CDH11: variants seen among roughly 807,000 people sequenced by gnomAD.
CDH11 encodes the protein cadherin-11.
In CDH11, 11 loss-of-function variants were observed where a neutral mutation model predicts 67.8. The ratio of observed to expected loss-of-function variants is 0.16; its 90% confidence interval spans 0.10 to 0.27. The LOEUF (loss-of-function observed/expected upper bound fraction) is 0.27, where lower values mean the gene tolerates loss of function less well. Among genes scored for constraint, CDH11 ranks in the 10% least tolerant of loss-of-function variants. The pLI is 1.00. For synonymous variants in CDH11, 419 were observed against 400.0 expected (o/e 1.05, Z -0.57); for missense variants, 847 against 1,031.2 (o/e 0.82, Z 2.45).
intron 1 of CDH11, among the ~76,000 whole-genome samples, chr16:65,072,495 GCATCTT>G (rs1277380712): frequency 6.6e-6 from 1 of 152,114 alleles, no homozygotes; most frequent in Non-Finnish European, 1.5e-5. Flanking sequence ...TGAACTAACA[GCATCTT>G]CTTGTCCAAT....
Position 65,122,044 on chromosome 16 carries a change from G to C in CDH11, c.-462C>G, listed in dbSNP as rs2075342512. On this transcript the variant is annotated 5_prime_UTR_variant, in exon 1 of 13. Coordinates refer to ENST00000268603, the MANE Select transcript of CDH11 (RefSeq NM_001797.4). ...TCCTCGGCCCGCGACGCTCCCCTCA[G>C]CTGGCGGCGGCCGCGGAATGAGCCG... 1.5e-6 allele frequency: 1 copy of C among 670,544 alleles called. No individual in the cohort carries two copies. The highest frequency in any genetic ancestry group is 2.7e-6 in the Non-Finnish European group (1 of 373,954). The allele number at this position is 670,544 out of a possible 1,614,324, so 41.5% of individuals were successfully genotyped here. A position where few individuals can be genotyped will look rare whatever the true frequency, so the allele number is the denominator to read the frequency against.
In CDH11 at chr16:64,982,285, G is replaced by A. The variant is rs879192410; in HGVS notation, c.1016C>T (p.Thr339Ile). Reference protein sequence around the residue: ...IKLKKPVDFETKRAYSLKVEA... With the variant: ...IKLKKPVDFEIKRAYSLKVEA... ...TACCTTCAAGCTATAGGCTCTTTTG[G>A]TTTCAAAATCTACAGGCTGGCAAGA... The change falls in exon 8 of 13, where the codon ACC becomes ATC. Residue 339 changes from threonine (T) to isoleucine (I), a missense_variant. Coordinates refer to ENST00000268603, the MANE Select transcript of CDH11 (RefSeq NM_001797.4). 3 of 1,612,046 alleles carry A rather than the reference G, an allele frequency of 1.9e-6. No individual in the cohort carries two copies. Among genetic ancestry groups the A allele is most frequent in the Non-Finnish European group, 2.5e-6 (3 of 1,178,770 alleles).
At chr16:65,094,442 T>TAC (rs749399832) in intron 1 of CDH11, among the ~76,000 whole-genome samples, 203 of 148,390 alleles carry the variant, frequency 1.4e-3, no homozygotes, top group Middle Eastern at 3.4e-3. Flanking sequence ...CACACACACA[T>TAC]ACACACACAC....
Position 64,991,294 on chromosome 16 carries a change from C to T in CDH11, c.811+474G>A, listed in dbSNP as rs79320591. On this transcript the variant is annotated intron_variant, in intron 6 of 12. Coordinates refer to ENST00000268603, the MANE Select transcript of CDH11 (RefSeq NM_001797.4). ...TGTTGCTATGGAGAACAGAGGCATG[C>T]TGTCTCCTCCAAGCCTTGCCCAAAT... 2.3e-3 allele frequency: 364 copies of T among 155,712 alleles called. 1 individual carries two copies. Among genetic ancestry groups the T allele is most frequent in the African/African-American group, 8.4e-3 (348 of 41,640 alleles). 9.6% of individuals were successfully genotyped at this position (155,712 alleles called of 1,614,324 possible). A position where few individuals can be genotyped will look rare whatever the true frequency, so the allele number is the denominator to read the frequency against.
chr16:65,047,207 G>A (rs1567547460), intron 2 of CDH11, among the ~76,000 whole-genome samples: 2 of 152,200 alleles, frequency 1.3e-5, no homozygotes, highest in East Asian at 3.9e-4. Context: ...GTGTGTGTTT[G>A]CAACTGCCCA....
chr16:64,946,696 A>C lies in CDH11; in HGVS notation c.*907T>G, dbSNP rs2071204157. ...ACAACAGATCATAAATAGGGTTATTAAAAGATCACAATTAAATTAGAAATA... is the reference window on the plus strand; with the variant it reads ...ACAACAGATCATAAATAGGGTTATTCAAAGATCACAATTAAATTAGAAATA... On this transcript the variant is annotated 3_prime_UTR_variant, in exon 13 of 13. Coordinates refer to ENST00000268603, the MANE Select transcript of CDH11 (RefSeq NM_001797.4). 1 of 937,186 alleles carries C rather than the reference A, an allele frequency of 1.1e-6. No individual in the cohort carries two copies. 58.1% of individuals were successfully genotyped at this position (937,186 alleles called of 1,614,324 possible). A position where few individuals can be genotyped will look rare whatever the true frequency, so the allele number is the denominator to read the frequency against.
intron 2 of CDH11, among the ~76,000 whole-genome samples, chr16:65,021,050 C>T (rs1477820377): frequency 6.6e-6 from 1 of 152,078 alleles, no homozygotes; most frequent in Non-Finnish European, 1.5e-5. Flanking sequence ...AGTCTTACCC[C>T]TCATTGGGAG....
At chr16:65,112,265 G>A (rs1042632524) in intron 1 of CDH11, among the ~76,000 whole-genome samples, 1 of 152,046 alleles carries the variant, frequency 6.6e-6, no homozygotes, top group African/African-American at 2.4e-5. Flanking sequence ...CATATCACTA[G>A]CAATGCTACA....
rs1596997318 is a variant in CDH11 at position 64,946,681 on chromosome 16, A to T, written c.*922T>A. The stretch of plus-strand genomic sequence containing the variant: ...AGCAGCAGACAGACAACAACAGATC[A>T]TAAATAGGGTTATTAAAAGATCACA... On this transcript the variant is annotated 3_prime_UTR_variant, in exon 13 of 13. Transcript: ENST00000268603. 2.2e-5 allele frequency: 21 copies of T among 952,360 alleles called. No individual in the cohort carries two copies. Among genetic ancestry groups the T allele is most frequent in the Non-Finnish European group, 2.5e-5 (20 of 786,644 alleles). The allele number at this position is 952,360 out of a possible 1,614,324, so 59.0% of individuals were successfully genotyped here. A position where few individuals can be genotyped will look rare whatever the true frequency, so the allele number is the denominator to read the frequency against.
At chr16:65,015,336 G>A (rs964443523) in intron 2 of CDH11, among the ~76,000 whole-genome samples, 2 of 151,588 alleles carry the variant, frequency 1.3e-5, no homozygotes, top group Non-Finnish European at 2.9e-5. Flanking sequence ...TCTCAGAGTT[G>A]AATGACACTC....
At chr16:65,013,432 G>A (rs1520243) in intron 2 of CDH11, among the ~76,000 whole-genome samples, 39 of 151,874 alleles carry the variant, frequency 2.6e-4, no homozygotes, top group African/African-American at 9.4e-4. Flanking sequence ...ATGGGCTCAG[G>A]AATCAGAAGG....
At chr16:64,959,788 G>T (rs984780843) in intron 11 of CDH11, among the ~76,000 whole-genome samples, 1 of 152,102 alleles carries the variant, frequency 6.6e-6, no homozygotes, top group Non-Finnish European at 1.5e-5. Flanking sequence ...TTATGAAAGT[G>T]AAAAATCAGA....
At chr16:65,041,043 AG>A (rs1324111885) in intron 2 of CDH11, among the ~76,000 whole-genome samples, 2 of 152,206 alleles carry the variant, frequency 1.3e-5, no homozygotes, top group Non-Finnish European at 2.9e-5. Flanking sequence ...GTATTCTTCA[AG>A]GTCTAAGAAC....
intron 1 of CDH11, among the ~76,000 whole-genome samples, chr16:65,070,059 G>A (rs972342406): frequency 4.6e-5 from 7 of 152,176 alleles, no homozygotes; most frequent in African/African-American, 1.4e-4. Context: ...GTAGATCAGA[G>A]CTGCTGAGTA....
intron 2 of CDH11, among the ~76,000 whole-genome samples, chr16:65,013,508 G>A (rs558571368): frequency 2.0e-5 from 3 of 152,178 alleles, no homozygotes; most frequent in Non-Finnish European, 2.9e-5. Context: ...GCCTCTGCAA[G>A]TCTCCACACT....
chr16:64,990,692 A>G (rs1415152474), intron 6 of CDH11, among the ~76,000 whole-genome samples: 1 of 152,224 alleles, frequency 6.6e-6, no homozygotes, highest in Admixed American at 6.5e-5. Flanking sequence ...TATTCATTAA[A>G]TGATGGTAGT....
At chr16:64,972,169 T>G in intron 9 of CDH11, 105 bp from the exon 10 acceptor site, 4 of 953,600 alleles carry the variant, frequency 4.2e-6, no homozygotes, top group Non-Finnish European at 6.5e-6. Flanking sequence ...ATCTGGGCAG[T>G]GCAGGGAAAG....
chr16:65,104,864 C>A (rs1242883493), intron 1 of CDH11, among the ~76,000 whole-genome samples: 2 of 152,186 alleles, frequency 1.3e-5, no homozygotes, highest in Admixed American at 1.3e-4. Context: ...CAAGGAAGTA[C>A]GTAAGCTGAC....
intron 8 of CDH11, among the ~76,000 whole-genome samples, chr16:64,979,456 T>C (rs1389089214): frequency 6.6e-6 from 1 of 151,528 alleles, no homozygotes; most frequent in African/African-American, 2.4e-5. Flanking sequence ...CAGTAGCAAA[T>C]AAATAAATAA....
Sources: gnomAD v4.1 joint callset for allele counts (sites outside exome capture counted in the v4.1 genomes callset) on GRCh38, gnomAD v4.1.1 for gene constraint, MANE v1.5 for transcripts, NCBI Gene and HGNC (gene_info 2026-07-23, HGNC 2026-07-21) for gene names.